Variants in ASIC2 observed in about 807,000 individuals in gnomAD.
ASIC2 encodes acid sensing ion channel subunit 2, also known as acid-sensing ion channel 2.
ASIC2 carries 25 observed loss-of-function variants against 57.3 expected under a neutral mutation model. The observed-to-expected ratio is 0.44, with a 90% CI of 0.32 to 0.61. The LOEUF is 0.61. Among genes scored for constraint, ASIC2 ranks in the 20% least tolerant of loss-of-function variants. The pLI, the probability that ASIC2 is intolerant of heterozygous loss-of-function variation, is 0.06. For synonymous variants in ASIC2, 319 were observed against 307.5 expected (o/e 1.04, Z -0.39); for missense variants, 641 against 738.1 (o/e 0.87, Z 1.52).
chr17:33,062,030 C>T (rs925431951), intron 3 of ASIC2, among the ~76,000 whole-genome samples: 100 of 151,906 alleles, frequency 6.6e-4, no homozygotes, highest in Non-Finnish European at 1.3e-3. Context: ...TTTTTTATTG[C>T]GTCTATTTGA....
At chr17:33,608,810 G>A (rs745383073) in intron 1 of ASIC2, among the ~76,000 whole-genome samples, 35 of 152,234 alleles carry the variant, frequency 2.3e-4, no homozygotes, top group African/African-American at 4.3e-4. Context: ...TTCTGCATTC[G>A]TTCTTCCTAT....
At chr17:33,375,536 G>A (rs149432282) in intron 1 of ASIC2, among the ~76,000 whole-genome samples, 12 of 152,306 alleles carry the variant, frequency 7.9e-5, no homozygotes, top group Non-Finnish European at 1.3e-4. Flanking sequence ...ACGTGCCAGG[G>A]TATGGCTTGC....
intron 6 of ASIC2, 118 bp downstream of exon 6, chr17:33,023,742 TC>T: frequency 3.7e-6 from 5 of 1,358,928 alleles, no homozygotes; most frequent in Non-Finnish European, 4.1e-6. Context: ...CAGAGGGTGT[TC>T]AACTAATGTT....
At chr17:33,254,595 A>G (rs1908994113) in intron 1 of ASIC2, among the ~76,000 whole-genome samples, 1 of 151,360 alleles carries the variant, frequency 6.6e-6, no homozygotes, top group African/African-American at 2.4e-5. Flanking sequence ...CCTCTTCTCC[A>G]TCTAGTTGAC....
At chr17:33,451,386 A>G (rs1207887644) in intron 1 of ASIC2, among the ~76,000 whole-genome samples, 7 of 152,208 alleles carry the variant, frequency 4.6e-5, no homozygotes, top group Non-Finnish European at 1.0e-4. Flanking sequence ...ACCTTTCTCA[A>G]TGACTCACCA....
rs373509701 is a variant in ASIC2 at position 33,084,703 on chromosome 17, T to C, written c.987+4160A>G. On this transcript the variant is annotated intron_variant, in intron 3 of 9. Transcript: ENST00000225823. ...TAGCATGTGCTCCATTGATAGGAAC[T>C]GTTGTTATTCTTCTACCCTTCCCAG... Among the ~76,000 whole-genome samples, 14 of 152,312 alleles carry C rather than the reference T, an allele frequency of 9.2e-5. 1 individual carries two copies. Among genetic ancestry groups the C allele is most frequent in the Admixed American group, 4.6e-4 (7 of 15,306 alleles).
At chr17:33,961,233 A>G (rs553913615) in intron 1 of ASIC2, among the ~76,000 whole-genome samples, 4 of 152,364 alleles carry the variant, frequency 2.6e-5, no homozygotes, top group African/African-American at 9.6e-5. Flanking sequence ...AACCAAGTGC[A>G]TAAGAGGAAT....
chr17:34,033,152 A>G lies in ASIC2; in HGVS notation c.555+122826T>C, dbSNP rs530260434. 2.2e-4 allele frequency among the ~76,000 whole-genome samples: 34 copies of G among 152,350 alleles called. No homozygotes were observed. In the East Asian group the frequency reaches 4.0e-3, roughly 18 times the overall value. Reference sequence around the variant, plus strand: ...CAGCAAATGTAAAAGAACAGAAATTATAACAAACTGTCTCTCAGACCACAG... The same window carrying G: ...CAGCAAATGTAAAAGAACAGAAATTGTAACAAACTGTCTCTCAGACCACAG... On this transcript the variant is annotated intron_variant, in intron 1 of 9. Coordinates refer to the ASIC2 transcript ENST00000359872.
intron 1 of ASIC2, among the ~76,000 whole-genome samples, chr17:34,025,227 AGAT>A (rs781630772): frequency 1.3e-5 from 2 of 152,326 alleles, no homozygotes; most frequent in Middle Eastern, 3.4e-3. Context: ...AAAGCTAGAG[AGAT>A]TTCTGAGATT....
chr17:33,828,979 A>T (rs936198379), intron 1 of ASIC2, among the ~76,000 whole-genome samples: 4 of 152,218 alleles, frequency 2.6e-5, no homozygotes, highest in African/African-American at 7.2e-5. Context: ...GAATACAGTA[A>T]ATATATAATA....
At chr17:33,119,141 G>C (rs570855569) in intron 1 of ASIC2, among the ~76,000 whole-genome samples, 2 of 152,296 alleles carry the variant, frequency 1.3e-5, no homozygotes, top group South Asian at 4.1e-4. Flanking sequence ...GCACACAGCT[G>C]GTCCTGCAAG....
chr17:33,823,520 C>T (rs1912813318), intron 1 of ASIC2, among the ~76,000 whole-genome samples: 1 of 152,194 alleles, frequency 6.6e-6, no homozygotes, highest in African/African-American at 2.4e-5. Flanking sequence ...GTTTCAGCTT[C>T]CAGCCGTGTC....
intron 1 of ASIC2, among the ~76,000 whole-genome samples, chr17:33,127,742 T>C (rs2092329626): frequency 6.6e-6 from 1 of 152,220 alleles, no homozygotes; most frequent in African/African-American, 2.4e-5. Context: ...TCTTACCTGG[T>C]TAACTGCCAC....
At chr17:34,147,392 A>G (rs1912448218) in intron 1 of ASIC2, among the ~76,000 whole-genome samples, 1 of 152,242 alleles carries the variant, frequency 6.6e-6, no homozygotes, top group Non-Finnish European at 1.5e-5. Context: ...GAGGCAATCA[A>G]TAGAGAATAT....
chr17:33,091,700 A>T (rs186329961), intron 2 of ASIC2, among the ~76,000 whole-genome samples: 144 of 152,348 alleles, frequency 9.5e-4, no homozygotes, highest in Middle Eastern at 3.4e-3. Flanking sequence ...TGCAGCTGAG[A>T]GTAAAATCCT....
chr17:34,028,203 A>C (rs757519152), intron 1 of ASIC2, among the ~76,000 whole-genome samples: 3 of 152,100 alleles, frequency 2.0e-5, no homozygotes, highest in Non-Finnish European at 4.4e-5. Flanking sequence ...GAGATATTTT[A>C]GTTTGTGAGA....
At chr17:33,964,204 T>C (rs184368915) in intron 1 of ASIC2, among the ~76,000 whole-genome samples, 1 of 152,316 alleles carries the variant, frequency 6.6e-6, no homozygotes, top group East Asian at 1.9e-4. Flanking sequence ...TCAGTTTCAG[T>C]AGATGCCTGT....
intron 3 of ASIC2, among the ~76,000 whole-genome samples, chr17:33,082,144 C>T (rs1307029405): frequency 6.6e-6 from 1 of 151,932 alleles, no homozygotes; most frequent in Non-Finnish European, 1.5e-5. Context: ...GACATTCAAC[C>T]CTGGCTCCCC....
chr17:33,086,684 T>C (rs1461436317), intron 3 of ASIC2, among the ~76,000 whole-genome samples: 1 of 152,108 alleles, frequency 6.6e-6, no homozygotes, highest in East Asian at 1.9e-4. Context: ...ATCCCTAGAA[T>C]ACCTCTATCC....
Sources: allele counts gnomAD v4.1 joint callset (sites outside exome capture counted in the v4.1 genomes callset), GRCh38; gene constraint gnomAD v4.1.1; transcripts MANE v1.5; gene names NCBI Gene and HGNC (gene_info 2026-07-23, HGNC 2026-07-21).